Variants in CAMTA1 observed in about 807,000 individuals in gnomAD.
CAMTA1 encodes calmodulin-binding transcription activator 1.
A neutral mutation model predicts 170.9 loss-of-function variants in CAMTA1; 27 were observed. The observed-to-expected ratio is 0.16, with a 90% CI of 0.12 to 0.22. The LOEUF is 0.22. Among genes scored for constraint, CAMTA1 ranks in the 10% least tolerant of loss-of-function variants. CAMTA1 has a pLI of 1.00. For missense variants in CAMTA1, 1,619 were observed against 2,217.2 expected, an observed-to-expected ratio of 0.73 and a Z score of 5.42; for synonymous variants, 833 against 891.5, an observed-to-expected ratio of 0.93 and a Z score of 1.17.
At chr1:7,136,992 G>C (rs1362292391) in intron 4 of CAMTA1, among the ~76,000 whole-genome samples, 3 of 152,186 alleles carry the variant, frequency 2.0e-5, no homozygotes, top group Non-Finnish European at 4.4e-5. Context: ...CTGGCCTTCA[G>C]ATGCATCTAT....
intron 6 of CAMTA1, among the ~76,000 whole-genome samples, chr1:7,577,547 G>C (rs1239946417): frequency 6.6e-6 from 1 of 151,900 alleles, no homozygotes; most frequent in African/African-American, 2.4e-5. Flanking sequence ...TTGTTTTGGA[G>C]ATGCCCCTAC....
At chr1:6,850,319 T>A (rs545463226) in intron 3 of CAMTA1, among the ~76,000 whole-genome samples, 1 of 152,218 alleles carries the variant, frequency 6.6e-6, no homozygotes, top group Non-Finnish European at 1.5e-5. Flanking sequence ...GCCATAGATT[T>A]GACAGGCAGA....
intron 6 of CAMTA1, among the ~76,000 whole-genome samples, chr1:7,487,848 G>A (rs1423918215): frequency 6.6e-6 from 1 of 152,176 alleles, no homozygotes; most frequent in African/African-American, 2.4e-5. Flanking sequence ...CCTCTGTCCA[G>A]GTTCTTTGCT....
intron 5 of CAMTA1, among the ~76,000 whole-genome samples, chr1:7,324,847 A>C (rs2149706503): frequency 6.6e-6 from 1 of 150,890 alleles, no homozygotes; most frequent in African/African-American, 2.4e-5. Flanking sequence ...GATATCCTTT[A>C]TTTCTATTTT....
At chr1:6,841,007 C>T (rs1655451500) in intron 3 of CAMTA1, among the ~76,000 whole-genome samples, 1 of 152,184 alleles carries the variant, frequency 6.6e-6, no homozygotes, top group Non-Finnish European at 1.5e-5. Context: ...CCAGCAGGGC[C>T]ATGTTCTTTA....
At chr1:7,008,677 G>A (rs1699361857) in intron 3 of CAMTA1, 1 of 152,136 alleles carries the variant, frequency 6.6e-6, no homozygotes, top group African/African-American at 2.4e-5. Flanking sequence ...TAAGGCGTTG[G>A]GACCCCTTAC....
At chr1:7,365,445 A>G (rs915331951) in intron 5 of CAMTA1, among the ~76,000 whole-genome samples, 1 of 152,188 alleles carries the variant, frequency 6.6e-6, no homozygotes, top group African/African-American at 2.4e-5. Flanking sequence ...CCTCCTGTTC[A>G]TATTTAAAAA....
At chr1:7,398,185 CTCTCTCTCTATATAT>C (rs2089536744) in intron 5 of CAMTA1, among the ~76,000 whole-genome samples, 3 of 46,542 alleles carry the variant, frequency 6.4e-5, no homozygotes, top group Admixed American at 3.1e-4. Flanking sequence ...CTCTCTCTCT[CTCTCTCTCTATATAT>C]ATATATATAT....
chr1:7,035,740 C>T (rs1043048457), intron 3 of CAMTA1, among the ~76,000 whole-genome samples: 4 of 152,236 alleles, frequency 2.6e-5, no homozygotes, highest in Non-Finnish European at 5.9e-5. Context: ...TGCTACTCTA[C>T]AGACAGCCTT....
intron 3 of CAMTA1, among the ~76,000 whole-genome samples, chr1:6,847,506 A>G (rs1658665842): frequency 6.6e-6 from 1 of 151,900 alleles, no homozygotes; most frequent in Non-Finnish European, 1.5e-5. Flanking sequence ...CAGCTAGATC[A>G]TAGAAGGCTA....
At chr1:7,284,861 C>A (rs1348751046) in intron 5 of CAMTA1, among the ~76,000 whole-genome samples, 1 of 152,228 alleles carries the variant, frequency 6.6e-6, no homozygotes, top group Non-Finnish European at 1.5e-5. Context: ...GGTGGGGCCA[C>A]TTCTCCCTGG....
At chr1:7,632,460 G>A (rs988540453) in intron 6 of CAMTA1, among the ~76,000 whole-genome samples, 1 of 152,216 alleles carries the variant, frequency 6.6e-6, no homozygotes, top group African/African-American at 2.4e-5. Context: ...CAGAAGAAAC[G>A]GAACGCCATG....
chr1:7,255,862 G>A (rs757406972), intron 5 of CAMTA1, among the ~76,000 whole-genome samples: 3 of 152,260 alleles, frequency 2.0e-5, no homozygotes, highest in Admixed American at 6.5e-5. Flanking sequence ...GTTTATCCTC[G>A]TTGGTTGTGC....
intron 7 of CAMTA1, among the ~76,000 whole-genome samples, chr1:7,647,966 C>A (rs1234543446): frequency 6.6e-6 from 1 of 152,060 alleles, no homozygotes; most frequent in Non-Finnish European, 1.5e-5. Context: ...CACCAGTAGC[C>A]CCAGCTACTT....
chr1:7,723,541 T>C (rs994794615), intron 11 of CAMTA1, among the ~76,000 whole-genome samples: 1 of 152,222 alleles, frequency 6.6e-6, no homozygotes, highest in Non-Finnish European at 1.5e-5. Flanking sequence ...CCTCTTGTTG[T>C]TGGGACTGGA....
chr1:7,329,538 A>G (rs1391200121), intron 5 of CAMTA1, among the ~76,000 whole-genome samples: 1 of 152,106 alleles, frequency 6.6e-6, no homozygotes, highest in African/African-American at 2.4e-5. Flanking sequence ...ACTCTTTTTT[A>G]TGTTTCTCCC....
intron 3 of CAMTA1, among the ~76,000 whole-genome samples, chr1:7,081,163 G>A (rs1456788099): frequency 6.6e-6 from 1 of 152,186 alleles, no homozygotes; most frequent in Non-Finnish European, 1.5e-5. Flanking sequence ...GTCTCCTGAG[G>A]GTACAGCTGG....
At chr1:7,625,563 C>A (rs2095627808) in intron 6 of CAMTA1, among the ~76,000 whole-genome samples, 1 of 152,242 alleles carries the variant, frequency 6.6e-6, no homozygotes, top group South Asian at 2.1e-4. Context: ...AGATGCCCAC[C>A]CCACCGTTGT....
At chr1:7,470,020 T>C (rs1034115330) in intron 6 of CAMTA1, among the ~76,000 whole-genome samples, 1 of 152,196 alleles carries the variant, frequency 6.6e-6, no homozygotes. Context: ...GGCGGGGAAG[T>C]TGGAGTCTCC....
Sources: gnomAD v4.1 joint callset for allele counts (sites outside exome capture counted in the v4.1 genomes callset) on GRCh38, gnomAD v4.1.1 for gene constraint, MANE v1.5 for transcripts, NCBI Gene and HGNC (gene_info 2026-07-23, HGNC 2026-07-21) for gene names.